Variants in DNAJC12 observed in about 807,000 individuals in gnomAD.
The protein encoded by DNAJC12 is DnaJ heat shock protein family (Hsp40) member C12.
DNAJC12 carries 25 observed loss-of-function variants against 28.5 expected under a neutral mutation model. The observed-to-expected ratio is 0.88, with a 90% confidence interval of 0.64 to 1.22. DNAJC12 has a LOEUF of 1.22. Among genes scored for constraint, DNAJC12 ranks in the 50% most tolerant of loss-of-function variants. The pLI is 0.00. For synonymous variants in DNAJC12, 77 were observed against 80.6 expected, an observed-to-expected ratio of 0.95 and a Z score of 0.24; for missense variants, 222 against 231.7, an observed-to-expected ratio of 0.96 and a Z score of 0.27.
chr10:67,819,551 A>C (rs1156432483), intron 2 of DNAJC12, among the ~76,000 whole-genome samples: 3 of 151,496 alleles, frequency 2.0e-5, no homozygotes, highest in East Asian at 1.9e-4. Flanking sequence ...AGGCACGAGA[A>C]TTGTTTGAAC....
chr10:67,807,335 C>T (rs1841813696), intron 3 of DNAJC12, among the ~76,000 whole-genome samples: 1 of 151,920 alleles, frequency 6.6e-6, no homozygotes, highest in South Asian at 2.1e-4. Flanking sequence ...GTGGGAGATT[C>T]CTGGTGCCAA....
chr10:67,835,386 G>A (rs1842132353), intron 1 of DNAJC12, among the ~76,000 whole-genome samples: 1 of 152,054 alleles, frequency 6.6e-6, no homozygotes, highest in African/African-American at 2.4e-5. Flanking sequence ...GAAATGAGAA[G>A]CATACCTATA....
intron 1 of DNAJC12, chr10:67,827,438 G>C (rs919185130): frequency 6.6e-6 from 1 of 152,070 alleles, no homozygotes; most frequent in Non-Finnish European, 1.5e-5. Context: ...TGTAATCCCA[G>C]CACTTTGGGA....
In DNAJC12 at chr10:67,805,757, CTTTTT is replaced by C. The variant is rs754389830; in HGVS notation, c.323_327del (p.Lys108ArgfsTer8). 6.2e-7 allele frequency: 1 copy of C among 1,606,970 alleles called. No individual in the cohort carries two copies. Among genetic ancestry groups the C allele is most frequent in the South Asian group, 1.1e-5 (1 of 89,322 alleles). On this transcript the variant is annotated frameshift_variant, in exon 4 of 5. Transcript: ENST00000225171. LOFTEE classifies it high-confidence loss of function. The stretch of plus-strand genomic sequence containing the variant: ...TTGTCAGATTCTTCCAGCATCAGGT[CTTTTT>C]TACCTCTGACAACCCAGTGCATTGA...
At chr10:67,799,755 C>T (rs1200463281) in intron 4 of DNAJC12, among the ~76,000 whole-genome samples, 6 of 151,962 alleles carry the variant, frequency 3.9e-5, no homozygotes, top group South Asian at 2.1e-4. Context: ...TGGTAGCACA[C>T]GCCTGTAATC....
chr10:67,808,390 G>T (rs1458014464), intron 3 of DNAJC12: 1 of 152,168 alleles, frequency 6.6e-6, no homozygotes, highest in East Asian at 1.9e-4. Context: ...TTTCTATGTT[G>T]TTATTCTGCC....
intron 4 of DNAJC12, among the ~76,000 whole-genome samples, chr10:67,798,894 T>G (rs1474075077): frequency 2.0e-5 from 3 of 151,568 alleles, no homozygotes; most frequent in African/African-American, 2.4e-5. Flanking sequence ...GCCTCCCGAG[T>G]GCTGGGATTA....
At chr10:67,800,610 T>C (rs892854579) in intron 4 of DNAJC12, among the ~76,000 whole-genome samples, 3 of 152,172 alleles carry the variant, frequency 2.0e-5, no homozygotes, top group Non-Finnish European at 4.4e-5. Context: ...AGGAAGGTAG[T>C]GCCCAGGGAC....
chr10:67,809,394 T>A (rs917471478), intron 3 of DNAJC12, among the ~76,000 whole-genome samples: 11 of 152,300 alleles, frequency 7.2e-5, no homozygotes, highest in Middle Eastern at 3.4e-3. Context: ...CCTGAATTAC[T>A]GAATCCTCAC....
intron 2 of DNAJC12, among the ~76,000 whole-genome samples, chr10:67,813,078 T>C (rs1014706824): frequency 6.6e-6 from 1 of 151,776 alleles, no homozygotes; most frequent in Non-Finnish European, 1.5e-5. Context: ...ATGATAGTAT[T>C]AGGAGATGGG....
intron 4 of DNAJC12, among the ~76,000 whole-genome samples, 185 bp from the exon 5 acceptor site, chr10:67,797,395 G>T (rs185701560): frequency 6.6e-6 from 1 of 152,138 alleles, no homozygotes; most frequent in African/African-American, 2.4e-5. Flanking sequence ...TTATGAACAC[G>T]AATTACAATT....
At chr10:67,810,576 A>T (rs1841849265) in intron 3 of DNAJC12, among the ~76,000 whole-genome samples, 1 of 152,228 alleles carries the variant, frequency 6.6e-6, no homozygotes. Context: ...CAAAAAGCAG[A>T]AACACAGGGT....
intron 4 of DNAJC12, among the ~76,000 whole-genome samples, chr10:67,801,428 A>T (rs1435741213): frequency 1.3e-5 from 2 of 152,238 alleles, no homozygotes; most frequent in Non-Finnish European, 2.9e-5. Context: ...TTTAAACAGC[A>T]TAAAGAAAAT....
intron 4 of DNAJC12, among the ~76,000 whole-genome samples, chr10:67,804,309 G>C (rs1268007871): frequency 6.6e-6 from 1 of 152,116 alleles, no homozygotes; most frequent in Non-Finnish European, 1.5e-5. Context: ...CATTTTTTAT[G>C]TATCTCCCCA....
intron 3 of DNAJC12, among the ~76,000 whole-genome samples, chr10:67,807,711 T>C (rs1425930788): frequency 6.6e-6 from 1 of 152,234 alleles, no homozygotes; most frequent in Non-Finnish European, 1.5e-5. Flanking sequence ...CAAAGTGGCC[T>C]GTACGTGATG....
intron 4 of DNAJC12, among the ~76,000 whole-genome samples, chr10:67,803,689 A>G (rs1841770647): frequency 6.6e-6 from 1 of 152,252 alleles, no homozygotes; most frequent in Non-Finnish European, 1.5e-5. Context: ...TGACAGAAAC[A>G]GAAAGACTTG....
chr10:67,802,805 G>A (rs1244532973), intron 4 of DNAJC12, among the ~76,000 whole-genome samples: 2 of 151,620 alleles, frequency 1.3e-5, no homozygotes, highest in Admixed American at 1.3e-4. Flanking sequence ...CCTGGTATTG[G>A]TCTAAATATT....
At chr10:67,802,086 A>C (rs978719959) in intron 4 of DNAJC12, among the ~76,000 whole-genome samples, 1 of 151,600 alleles carries the variant, frequency 6.6e-6, no homozygotes, top group Non-Finnish European at 1.5e-5. Flanking sequence ...CTGGTCTCGA[A>C]CTCCTGGACT....
intron 1 of DNAJC12, among the ~76,000 whole-genome samples, chr10:67,828,890 A>C (rs1842064043): frequency 6.6e-6 from 1 of 152,140 alleles, no homozygotes; most frequent in South Asian, 2.1e-4. Context: ...CGCCACTTTA[A>C]ATTCCAGTTC....
Sources: gnomAD v4.1 joint callset for allele counts (sites outside exome capture counted in the v4.1 genomes callset) on GRCh38, gnomAD v4.1.1 for gene constraint, MANE v1.5 for transcripts, NCBI Gene and HGNC (gene_info 2026-07-23, HGNC 2026-07-21) for gene names.